GPHN: variants seen among roughly 807,000 people sequenced by gnomAD.
GPHN encodes the protein gephyrin.
A neutral mutation model predicts 95.5 loss-of-function variants in GPHN; 17 were observed. The observed-to-expected ratio is 0.18, with a 90% CI of 0.12 to 0.27. The LOEUF (loss-of-function observed/expected upper bound fraction) is 0.27, where lower values mean the gene tolerates loss of function less well. Ranked by LOEUF, GPHN falls within the 10% of genes least tolerant of loss-of-function variation. The pLI is 1.00. For missense variants in GPHN, 660 were observed against 978.1 expected, an observed-to-expected ratio of 0.67 and a Z score of 4.34; for synonymous variants, 320 against 322.5, an observed-to-expected ratio of 0.99 and a Z score of 0.08.
chr14:67,462,151 C>G, the GPHN span, among the ~76,000 whole-genome samples: 2 of 152,274 alleles, frequency 1.3e-5, no homozygotes, highest in South Asian at 4.1e-4. Context: ...GATACTAGCT[C>G]AGAGCATGAG....
At chr14:66,613,973 G>A (rs1268443971) in intron 1 of GPHN, among the ~76,000 whole-genome samples, 2 of 151,960 alleles carry the variant, frequency 1.3e-5, no homozygotes, top group Non-Finnish European at 2.9e-5. Flanking sequence ...CCTTGCTGTA[G>A]TTATGTGTTT....
intron 12 of GPHN, among the ~76,000 whole-genome samples, chr14:67,092,732 T>C (rs560876346): frequency 1.1e-4 from 17 of 152,176 alleles, no homozygotes; most frequent in Non-Finnish European, 1.9e-4. Flanking sequence ...TAATATAAAA[T>C]AATAGGAAGA....
the GPHN span, among the ~76,000 whole-genome samples, chr14:67,257,972 T>G: frequency 1.3e-5 from 2 of 152,160 alleles, no homozygotes; most frequent in African/African-American, 4.8e-5. Context: ...TTTGCATCAT[T>G]TAACTACTTC....
the GPHN span, among the ~76,000 whole-genome samples, chr14:67,258,502 C>T: frequency 6.6e-6 from 1 of 152,176 alleles, no homozygotes; most frequent in Admixed American, 6.5e-5. Flanking sequence ...CTTACTGCAG[C>T]CTTGACCTCC....
chr14:67,059,388 C>T (rs1261973685), intron 11 of GPHN, among the ~76,000 whole-genome samples: 2 of 152,094 alleles, frequency 1.3e-5, no homozygotes. Flanking sequence ...GGAGAACTTC[C>T]AGCCAATAAA....
chr14:67,560,185 GC>G, the GPHN span, among the ~76,000 whole-genome samples: 1 of 152,052 alleles, frequency 6.6e-6, no homozygotes, highest in African/African-American at 2.4e-5. Context: ...GCACCACCAT[GC>G]CCAGCTAATT....
the GPHN span, chr14:67,615,640 T>C: frequency 3.7e-6 from 2 of 535,506 alleles, no homozygotes; most frequent in Admixed American, 4.3e-5. Context: ...GAAGACCATG[T>C]CTGCTAAAGA....
intron 2 of GPHN, among the ~76,000 whole-genome samples, chr14:66,694,799 C>T (rs28772697): frequency 0.029 from 4,448 of 152,186 alleles, 206 homozygotes; most frequent in African/African-American, 0.1. Context: ...TTTCAAAAGA[C>T]GCATCTGATA....
chr14:67,450,655 G>A, the GPHN span, among the ~76,000 whole-genome samples: 1 of 152,222 alleles, frequency 6.6e-6, no homozygotes, highest in Non-Finnish European at 1.5e-5. Context: ...TCTGGTGGAA[G>A]AAACTTCTAA....
intron 9 of GPHN, among the ~76,000 whole-genome samples, chr14:66,979,940 A>C (rs148283515): frequency 1.4e-4 from 22 of 152,234 alleles, no homozygotes; most frequent in African/African-American, 4.8e-4. Context: ...CAGCCCACAG[A>C]GAGGTAGAAA....
chr14:67,031,475 T>A (rs1354514812), intron 10 of GPHN, among the ~76,000 whole-genome samples: 1 of 152,206 alleles, frequency 6.6e-6, no homozygotes, highest in Non-Finnish European at 1.5e-5. Flanking sequence ...GCAATTGACT[T>A]CCATAAATAT....
At chr14:67,265,957 A>T in the GPHN span, among the ~76,000 whole-genome samples, 64 of 151,916 alleles carry the variant, frequency 4.2e-4, no homozygotes, top group African/African-American at 1.3e-3. Flanking sequence ...AAAAACTTTT[A>T]AAAAAAATCT....
chr14:66,625,575 A>T (rs956608613), intron 1 of GPHN, among the ~76,000 whole-genome samples: 3 of 151,954 alleles, frequency 2.0e-5, no homozygotes, highest in African/African-American at 7.2e-5. Context: ...TTTGTTTTCA[A>T]ACCTTCTAAT....
chr14:67,717,043 C>T, the GPHN span, among the ~76,000 whole-genome samples: 1 of 152,118 alleles, frequency 6.6e-6, no homozygotes, highest in Admixed American at 6.5e-5. Context: ...TATTAACATA[C>T]TTCAAACTAA....
intron 12 of GPHN, among the ~76,000 whole-genome samples, chr14:67,090,081 AT>A (rs1638378997): frequency 6.6e-6 from 1 of 152,130 alleles, no homozygotes; most frequent in African/African-American, 2.4e-5. Flanking sequence ...TCAAACTATG[AT>A]ACATTGTTAT....
chr14:66,986,493 C>T (rs997702490), intron 9 of GPHN, among the ~76,000 whole-genome samples: 2 of 152,064 alleles, frequency 1.3e-5, no homozygotes, highest in African/African-American at 4.8e-5. Flanking sequence ...GCCTTGGGCA[C>T]TCAGTACTCA....
At chr14:67,648,283 G>A in the GPHN span, 55 of 1,399,884 alleles carry the variant, frequency 3.9e-5, no homozygotes, top group Non-Finnish European at 5.1e-5. Flanking sequence ...CATCATTGCA[G>A]AGTTTGTTTT....
chr14:67,118,684 C>T (rs1004866823), intron 16 of GPHN, among the ~76,000 whole-genome samples: 1 of 151,646 alleles, frequency 6.6e-6, no homozygotes, highest in African/African-American at 2.4e-5. Context: ...GCCGAGATCG[C>T]ATCACTGCAC....
At chr14:66,588,326 T>C (rs1278220943) in intron 1 of GPHN, among the ~76,000 whole-genome samples, 2 of 151,984 alleles carry the variant, frequency 1.3e-5, no homozygotes, top group African/African-American at 4.8e-5. Flanking sequence ...CCAGAATGCC[T>C]CTTCTCCTCC....
Sources: allele counts gnomAD v4.1 joint callset (sites outside exome capture counted in the v4.1 genomes callset), GRCh38; gene constraint gnomAD v4.1.1; transcripts MANE v1.5; gene names NCBI Gene and HGNC (gene_info 2026-07-23, HGNC 2026-07-21).